The following RFC1 variants were observed in gnomAD, a reference collection of about 807,000 sequenced individuals.
RFC1 encodes the protein replication factor C subunit 1.
In RFC1, 37 loss-of-function variants were observed where a neutral mutation model predicts 137.4. The ratio of observed to expected loss-of-function variants is 0.27; its 90% confidence interval spans 0.21 to 0.35. RFC1 has a LOEUF of 0.35. RFC1 is among the 10% of genes least tolerant of loss of function. The pLI is 1.00. For synonymous variants in RFC1, 429 were observed against 455.7 expected (o/e 0.94, Z 0.75); for missense variants, 1,205 against 1,358.5 (o/e 0.89, Z 1.78).
intron 21 of RFC1, among the ~76,000 whole-genome samples, chr4:39,296,715 A>T (rs1307007701): frequency 6.6e-6 from 1 of 151,164 alleles, no homozygotes; most frequent in African/African-American, 2.4e-5. Flanking sequence ...ATAAACATAC[A>T]TGTGCATGTG....
chr4:39,366,068 T>C (rs16995776), intron 1 of RFC1, among the ~76,000 whole-genome samples, 171 bp downstream of exon 1: 2,314 of 152,164 alleles, frequency 0.015, 63 homozygotes, highest in African/African-American at 0.052. Context: ...CGCGATGCAA[T>C]GAAAGTTTTG....
rs1209981346 is a variant in RFC1 at position 39,327,700 on chromosome 4, T to C, written c.388A>G (p.Arg130Gly). ...KAASKSKENGRSTNSHLGTSN... is the reference protein window; with the variant it reads ...KAASKSKENGGSTNSHLGTSN... ...GTTCCAAGATGACTATTTGTAGATC[T>C]TCCATTCTCTTTTGATTTAGAGGCC... The change falls in exon 5 of 25, where the codon AGA (arginine) becomes GGA (glycine). Residue 130 changes from arginine (R) to glycine (G), a missense_variant. Arg to Gly is a moderately radical substitution (Grantham distance 125, BLOSUM62 -2). This residue lies in a region of RFC1 where 962 missense variants were observed against 1,035.3 expected (regional missense o/e 0.93). Transcript: ENST00000349703. 8.1e-6 allele frequency: 13 copies of C among 1,613,054 alleles called. No individual in the cohort carries two copies. Among genetic ancestry groups the C allele is most frequent in the Non-Finnish European group, 9.3e-6 (11 of 1,179,688 alleles).
intron 4 of RFC1, among the ~76,000 whole-genome samples, chr4:39,330,164 TC>T (rs1740027229): frequency 6.6e-6 from 1 of 152,074 alleles, no homozygotes. Flanking sequence ...TCTCAACTGC[TC>T]CCTCATTCAA....
In RFC1 at chr4:39,321,353, C is replaced by T. The variant is rs28903095; in HGVS notation, c.742G>A (p.Gly248Arg). The T allele has an allele frequency of 1.4e-4, 233 of 1,613,794 alleles. No individual in the cohort carries two copies. Among genetic ancestry groups the T allele is most frequent in the Admixed American group, 4.2e-4 (25 of 59,986 alleles). ...GCTTGGACAGATGAAAACGTTTCTC[C>T]CGCTTCTGTGTCCTTTCGAGCCTAA... ...TKKARKDTEA[G>R]ETFSSVQANL... Residue 248 changes from glycine to arginine, a missense_variant, in exon 8 of 25, where the codon GGA becomes AGA. This residue lies in a region of RFC1 where 962 missense variants were observed against 1,035.3 expected (regional missense o/e 0.93). Transcript: ENST00000349703.
intron 8 of RFC1, 22 bp from the exon 9 acceptor site, chr4:39,320,691 T>C (rs768888577): frequency 3.9e-6 from 6 of 1,544,834 alleles, no homozygotes; most frequent in South Asian, 1.3e-5. Flanking sequence ...GAAAAGATTA[T>C]GGTTGTTGTT....
intron 10 of RFC1, among the ~76,000 whole-genome samples, chr4:39,315,962 G>A (rs1163998421): frequency 6.6e-6 from 1 of 152,210 alleles, no homozygotes; most frequent in African/African-American, 2.4e-5. Flanking sequence ...CGGGCCCAGT[G>A]GCTCACGCCT....
At chr4:39,332,549 T>C (rs1740153024) in intron 4 of RFC1, among the ~76,000 whole-genome samples, 9 of 152,246 alleles carry the variant, frequency 5.9e-5, no homozygotes, top group Admixed American at 5.9e-4. Context: ...TTAAATACTT[T>C]CAAAATCGAG....
At chr4:39,336,691 A>G (rs1467736797) in intron 4 of RFC1, among the ~76,000 whole-genome samples, 1 of 152,232 alleles carries the variant, frequency 6.6e-6, no homozygotes, top group African/African-American at 2.4e-5. Context: ...ACAACCAAAA[A>G]TGTCTCCAGA....
chr4:39,299,021 T>C (rs1250215346), intron 21 of RFC1, among the ~76,000 whole-genome samples: 1 of 152,162 alleles, frequency 6.6e-6, no homozygotes, highest in Non-Finnish European at 1.5e-5. Context: ...ACGCCCACAC[T>C]GGAAGGTTGT....
chr4:39,345,871 G>A (rs1740836470), intron 2 of RFC1, among the ~76,000 whole-genome samples: 1 of 152,064 alleles, frequency 6.6e-6, no homozygotes, highest in Non-Finnish European at 1.5e-5. Flanking sequence ...GGTAGATCAG[G>A]GATGCTACTA....
At chr4:39,357,177 A>AC (rs1741518047) in intron 1 of RFC1, among the ~76,000 whole-genome samples, 1 of 152,216 alleles carries the variant, frequency 6.6e-6, no homozygotes. Context: ...AATAAAGCAC[A>AC]CTGAGGGAAC....
rs1738287487 is a variant in RFC1, at chr4:39,300,377, C to G, written c.2573G>C (p.Gly858Ala). The change falls in exon 20 of 25, where the codon GGA becomes GCA. Residue 858 changes from glycine (G) to alanine (A), a missense_variant. Transcript: ENST00000349703. ...AAGTGACATGTGAGCAGTCTCCTCT[C>G]CAGCTGCAAACACTTTCCGGGCAAC... ...FDVARKVFAA[G>A]EETAHMSLVD... The G allele has an allele frequency of 1.2e-6, 2 of 1,613,970 alleles. No individual in the cohort carries two copies. Among genetic ancestry groups the G allele is most frequent in the Non-Finnish European group, 1.7e-6 (2 of 1,179,974 alleles).
chr4:39,320,493 A>G lies in RFC1; in HGVS notation c.985T>C (p.Ser329Pro), dbSNP rs1167967876. Residue 329 changes from serine to proline, a missense_variant, in exon 9 of 25, where the codon TCT (serine) becomes CCT (proline). Coordinates refer to ENST00000349703, the MANE Select transcript of RFC1 (RefSeq NM_002913.5). ...GCCACAGGCTCTATTTCTTTATAAG[A>G]GCTCTCTTCTTTTCTTTTCATAATT... ...LAIMKRKEES[S>P]YKEIEPVASK... 84 of 1,610,286 alleles carry G rather than the reference A, an allele frequency of 5.2e-5. No individual in the cohort carries two copies. The highest frequency in any genetic ancestry group is 7.0e-5 in the Non-Finnish European group (82 of 1,179,202).
In RFC1 at chr4:39,302,758, T is replaced by C. The variant is rs139043122; in HGVS notation, c.2319A>G (p.Arg773=). 100 of 1,596,238 alleles carry C rather than the reference T, an allele frequency of 6.3e-5. 3 individuals carry two copies. The African/African-American group carries it at 1.0e-3, about 17-fold the overall frequency. Reference sequence around the variant, plus strand: ...ATACCTTAATCTGTTCAACCCGAGGTCTTTGAAAACGAAGATCAAAACAAT... The same window carrying C: ...ATACCTTAATCTGTTCAACCCGAGGCCTTTGAAAACGAAGATCAAAACAAT... ...VHYCFDLRFQ[R]PRVEQIKGAM... The change falls in exon 17 of 25, where the codon AGA becomes AGG. Residue 773 remains arginine (R), a synonymous_variant. Coordinates refer to ENST00000349703, the MANE Select transcript of RFC1 (RefSeq NM_002913.5).
intron 1 of RFC1, chr4:39,355,852 A>C (rs1741449012): frequency 6.6e-6 from 1 of 151,834 alleles, no homozygotes; most frequent in Non-Finnish European, 1.5e-5. Context: ...AAATACAAAA[A>C]TTAGCTGGGC....
intron 4 of RFC1, among the ~76,000 whole-genome samples, chr4:39,332,556 C>T (rs1420975777): frequency 6.6e-6 from 1 of 152,140 alleles, no homozygotes; most frequent in Non-Finnish European, 1.5e-5. Flanking sequence ...CTTTCAAAAT[C>T]GAGCAATGTT....
Position 39,302,534 on chromosome 4 carries a change from T to G in RFC1, c.2402A>C (p.Glu801Ala). The change falls in exon 18 of 25, where the codon GAA becomes GCA. Residue 801 changes from glutamate to alanine, a missense_variant. Glu to Ala is a moderately radical substitution (Grantham distance 107, BLOSUM62 -1). Transcript: ENST00000349703. ...ATCTTGATTGGCTCCCAAAATTATT[T>G]CATTCATAGCTGGAGGGGGAATCTT... is the stretch of plus-strand genomic sequence containing the variant. Reference protein sequence around the residue: ...GLKIPPPAMNEIILGANQDIR... With the variant: ...GLKIPPPAMNAIILGANQDIR... The G allele has an allele frequency of 6.2e-7, 1 of 1,610,834 alleles. No individual in the cohort carries two copies. The highest frequency in any genetic ancestry group is 8.5e-7 in the Non-Finnish European group (1 of 1,177,478).
chr4:39,336,522 T>TA (rs1040506461), intron 4 of RFC1, among the ~76,000 whole-genome samples: 1 of 152,238 alleles, frequency 6.6e-6, no homozygotes, highest in Non-Finnish European at 1.5e-5. Context: ...TATCTGGACT[T>TA]AAAGTATCCA....
chr4:39,309,640 C>A (rs1344375865), intron 12 of RFC1, among the ~76,000 whole-genome samples: 1 of 152,170 alleles, frequency 6.6e-6, no homozygotes, highest in African/African-American at 2.4e-5. Flanking sequence ...TCCATAGAGA[C>A]AGAGCAGAGC....
Sources: allele counts gnomAD v4.1 joint callset (sites outside exome capture counted in the v4.1 genomes callset), GRCh38; gene constraint gnomAD v4.1.1; regional missense constraint gnomAD v4.1.1; transcripts MANE v1.5; gene names NCBI Gene and HGNC (gene_info 2026-07-23, HGNC 2026-07-21).